TANC1: variants seen among roughly 807,000 people sequenced by gnomAD.
TANC1 encodes tetratricopeptide repeat, ankyrin repeat and coiled-coil containing 1.
In TANC1, 77 loss-of-function variants were observed where a neutral mutation model predicts 149.7. The observed-to-expected ratio is 0.51, with a 90% CI of 0.43 to 0.62. The LOEUF is 0.62. TANC1 is among the 20% of genes least tolerant of loss of function. TANC1 has a pLI of 0.00. For missense variants in TANC1, 1,985 were observed against 2,321.8 expected, an observed-to-expected ratio of 0.85 and a Z score of 2.98; for synonymous variants, 854 against 925.0, an observed-to-expected ratio of 0.92 and a Z score of 1.39.
At chr2:159,203,768 G>C (rs1413740736) in intron 19 of TANC1, among the ~76,000 whole-genome samples, 1 of 151,808 alleles carries the variant, frequency 6.6e-6, no homozygotes, top group Non-Finnish European at 1.5e-5. Context: ...CAAAACATGG[G>C]GATTCGCCAT....
At chr2:159,162,214 A>G (rs1294297004) in intron 7 of TANC1, among the ~76,000 whole-genome samples, 3 of 152,254 alleles carry the variant, frequency 2.0e-5, no homozygotes, top group Non-Finnish European at 4.4e-5. Context: ...GCCTTCTGAT[A>G]CAGTGTGTAT....
At chr2:159,228,377 A>C in intron 25 of TANC1, 2 of 257,360 alleles carry the variant, frequency 7.8e-6, no homozygotes, top group Non-Finnish European at 1.5e-5. Flanking sequence ...GGTCGTGGGG[A>C]ACTCATAGTC....
chr2:159,219,543 A>T, intron 21 of TANC1, 149 bp from the exon 22 acceptor site: 1 of 1,260,686 alleles, frequency 7.9e-7, no homozygotes, highest in Non-Finnish European at 1.1e-6. Context: ...AGCGATGACC[A>T]TTCTGCCAGC....
intron 1 of TANC1, among the ~76,000 whole-genome samples, chr2:159,000,076 G>T (rs1025425660): frequency 6.6e-6 from 1 of 152,182 alleles, no homozygotes; most frequent in East Asian, 1.9e-4. Flanking sequence ...CCCAGCAGGA[G>T]GTGATTCTTG....
At chr2:159,131,423 A>C (rs2050078293) in intron 4 of TANC1, among the ~76,000 whole-genome samples, 1 of 151,894 alleles carries the variant, frequency 6.6e-6, no homozygotes, top group African/African-American at 2.4e-5. Flanking sequence ...AACCAGCCAC[A>C]CTACTGGATG....
chr2:159,132,270 A>G (rs1210709947), intron 4 of TANC1, among the ~76,000 whole-genome samples: 1 of 152,130 alleles, frequency 6.6e-6, no homozygotes, highest in Non-Finnish European at 1.5e-5. Context: ...TGACCACTGA[A>G]TATATATTTT....
intron 3 of TANC1, among the ~76,000 whole-genome samples, chr2:159,095,475 A>C (rs1436390007): frequency 6.6e-6 from 1 of 152,082 alleles, no homozygotes; most frequent in Non-Finnish European, 1.5e-5. Context: ...GCTGTGGCTC[A>C]TGCCTGTAAT....
chr2:159,030,581 C>T (rs771279867), intron 2 of TANC1, among the ~76,000 whole-genome samples: 3 of 152,114 alleles, frequency 2.0e-5, no homozygotes, highest in Non-Finnish European at 4.4e-5. Flanking sequence ...CAGTTGTAGC[C>T]ATTTCTCTGA....
intron 4 of TANC1, among the ~76,000 whole-genome samples, chr2:159,102,584 G>A: frequency 7.6e-6 from 1 of 131,824 alleles, no homozygotes; most frequent in Non-Finnish European, 1.6e-5. Context: ...ATGAGCCACT[G>A]CACCCAGCTC....
At chr2:159,048,318 G>A (rs1333044826) in intron 2 of TANC1, among the ~76,000 whole-genome samples, 1 of 152,152 alleles carries the variant, frequency 6.6e-6, no homozygotes, top group Admixed American at 6.5e-5. Context: ...TACAATTAGT[G>A]GTAAAGACAT....
chr2:159,219,212 A>G, intron 20 of TANC1, 26 bp from the exon 21 acceptor site: 2 of 1,613,742 alleles, frequency 1.2e-6, no homozygotes, highest in Non-Finnish European at 1.7e-6. Flanking sequence ...CAGCAGGAGG[A>G]TGGTAATTCC....
rs116667130 is a variant in TANC1, at chr2:159,179,031, A to G, written c.2378A>G (p.Gln793Arg). The G allele has an allele frequency of 3.4e-4, 544 of 1,614,080 alleles. No homozygotes were observed. Among genetic ancestry groups the G allele is most frequent in the Admixed American group, 4.5e-4 (27 of 60,008 alleles). Reference protein sequence around the residue: ...QGEQGWEDFQQRMDALSCFLI... With the variant: ...QGEQGWEDFQRRMDALSCFLI... ...GAGCAGGGATGGGAAGACTTTCAGCAGAGGATGGACGCCCTCTCCTGCTTC... is the reference window on the plus strand; with the variant it reads ...GAGCAGGGATGGGAAGACTTTCAGCGGAGGATGGACGCCCTCTCCTGCTTC... Residue 793 changes from glutamine to arginine, a missense_variant, in exon 14 of 27, where the codon CAG (glutamine) becomes CGG (arginine). Around this residue, in one of 3 missense-constraint regions of TANC1, gnomAD observed 508 missense variants for 714.2 expected, o/e 0.71. Coordinates refer to ENST00000263635, the MANE Select transcript of TANC1 (RefSeq NM_033394.3).
intron 2 of TANC1, among the ~76,000 whole-genome samples, chr2:159,042,483 C>T (rs945548660): frequency 1.2e-4 from 19 of 152,030 alleles, no homozygotes; most frequent in African/African-American, 2.7e-4. Flanking sequence ...AATGAGCAAG[C>T]GTGCATGGAG....
chr2:159,190,133 A>G (rs2057328197), intron 16 of TANC1, among the ~76,000 whole-genome samples: 1 of 152,214 alleles, frequency 6.6e-6, no homozygotes, highest in South Asian at 2.1e-4. Context: ...ATGGGATGGC[A>G]TGCTGCTGTT....
At chr2:159,081,019 C>T (rs1326152350) in intron 3 of TANC1, among the ~76,000 whole-genome samples, 1 of 152,176 alleles carries the variant, frequency 6.6e-6, no homozygotes, top group African/African-American at 2.4e-5. Context: ...AGGCCAGGCC[C>T]AGCAAGCCAT....
chr2:159,136,813 T>C (rs1445272096), intron 5 of TANC1, among the ~76,000 whole-genome samples: 1 of 142,708 alleles, frequency 7.0e-6, no homozygotes, highest in African/African-American at 2.5e-5. Flanking sequence ...AAAAACCAAA[T>C]TGATGGAAAT....
At chr2:159,008,091 A>G (rs2037398348) in intron 2 of TANC1, among the ~76,000 whole-genome samples, 1 of 152,260 alleles carries the variant, frequency 6.6e-6, no homozygotes. Context: ...GATCAAAATC[A>G]AATTTTTTGA....
At chr2:159,042,182 C>T (rs2040697206) in intron 2 of TANC1, among the ~76,000 whole-genome samples, 1 of 152,154 alleles carries the variant, frequency 6.6e-6, no homozygotes, top group Admixed American at 6.5e-5. Flanking sequence ...ATTAAACAGA[C>T]TTAGGAGGAG....
intron 3 of TANC1, among the ~76,000 whole-genome samples, chr2:159,075,261 C>G (rs1181433022): frequency 6.6e-6 from 1 of 152,036 alleles, no homozygotes; most frequent in Non-Finnish European, 1.5e-5. Context: ...TATTTATATA[C>G]TCAATGTACA....
Sources: allele counts gnomAD v4.1 joint callset (sites outside exome capture counted in the v4.1 genomes callset), GRCh38; gene constraint gnomAD v4.1.1; regional missense constraint gnomAD v4.1.1; transcripts MANE v1.5; gene names NCBI Gene and HGNC (gene_info 2026-07-23, HGNC 2026-07-21).